The following ATP8B1 variants were observed in gnomAD, a reference collection of about 807,000 sequenced individuals.
ATP8B1 encodes the protein ATPase phospholipid transporting 8B1, also known as phospholipid-transporting ATPase IC.
A neutral mutation model predicts 149.9 loss-of-function variants in ATP8B1; 80 were observed. The ratio of observed to expected loss-of-function variants is 0.53; its 90% CI spans 0.45 to 0.64. ATP8B1 has a LOEUF of 0.64. ATP8B1 is among the 30% of genes least tolerant of loss of function. The pLI, the probability that ATP8B1 is intolerant of heterozygous loss-of-function variation, is 0.00. For missense variants in ATP8B1, 1,247 were observed against 1,552.6 expected, an observed-to-expected ratio of 0.80 and a Z score of 3.31; for synonymous variants, 536 against 562.8, an observed-to-expected ratio of 0.95 and a Z score of 0.67.
chr18:57,698,092 G>A (rs1599128462), intron 6 of ATP8B1, among the ~76,000 whole-genome samples: 1 of 152,222 alleles, frequency 6.6e-6, no homozygotes, highest in East Asian at 1.9e-4. Flanking sequence ...TTTCATCTAG[G>A]TCATGTAAGG....
chr18:57,753,376 A>T (rs2080041611), intron 1 of ATP8B1, among the ~76,000 whole-genome samples: 1 of 152,228 alleles, frequency 6.6e-6, no homozygotes, highest in Non-Finnish European at 1.5e-5. Context: ...GGCCATGAAC[A>T]AGGGGGTTCA....
Position 57,697,612 on chromosome 18 carries a change from A to G in ATP8B1, c.698+6T>C. On this transcript the variant is annotated splice_donor_region_variant and intron_variant, in intron 8 of 27. Coordinates refer to ENST00000648908, the MANE Select transcript of ATP8B1 (RefSeq NM_001374385.1). ...CTTTAAATCAGGCCCATCGAGACACACTTACCCATCCAGTTCTGCTGTTTC... is the reference window on the plus strand; with the variant it reads ...CTTTAAATCAGGCCCATCGAGACACGCTTACCCATCCAGTTCTGCTGTTTC... 1 of 1,613,770 alleles carries G rather than the reference A, an allele frequency of 6.2e-7. No homozygotes were observed. The highest frequency in any genetic ancestry group is 1.3e-5 in the African/African-American group (1 of 74,996).
intron 2 of ATP8B1, among the ~76,000 whole-genome samples, chr18:57,708,851 G>A (rs867335524): frequency 1.3e-5 from 2 of 152,160 alleles, no homozygotes; most frequent in Admixed American, 1.3e-4. Flanking sequence ...TGGTGGCTCT[G>A]TCTGGTCCCA....
chr18:57,795,876 TA>T (rs112695967), intron 1 of ATP8B1, among the ~76,000 whole-genome samples: 32 of 132,936 alleles, frequency 2.4e-4, no homozygotes, highest in East Asian at 2.0e-4. Flanking sequence ...ATTTTACATT[TA>T]AAAAAAAAAA....
intron 2 of ATP8B1, among the ~76,000 whole-genome samples, chr18:57,709,071 T>G (rs1913563044): frequency 6.6e-6 from 1 of 152,228 alleles, no homozygotes; most frequent in Non-Finnish European, 1.5e-5. Context: ...TACTCAATTT[T>G]AGAAATCTGA....
Position 57,692,012 on chromosome 18 carries a change from A to T in ATP8B1, c.1030-15T>A. Reference sequence around the variant, plus strand: ...ACAACAAAGATCTAGAAGACAGAAAACATTTAAATGCATTCTGAAGATGGA... The same window carrying T: ...ACAACAAAGATCTAGAAGACAGAAATCATTTAAATGCATTCTGAAGATGGA... On this transcript the variant is annotated splice_polypyrimidine_tract_variant and intron_variant, in intron 11 of 27. Transcript: ENST00000648908. 4 of 1,605,700 alleles carry T rather than the reference A, an allele frequency of 2.5e-6. No homozygotes were observed. Among genetic ancestry groups the T allele is most frequent in the Non-Finnish European group, 3.4e-6 (4 of 1,176,092 alleles).
intron 1 of ATP8B1, among the ~76,000 whole-genome samples, chr18:57,778,976 G>A (rs559807464): frequency 1.3e-5 from 2 of 152,096 alleles, no homozygotes; most frequent in South Asian, 2.1e-4. Flanking sequence ...TTTTAGAAAG[G>A]TTCCAAATTT....
chr18:57,742,462 T>C (rs1005622409), intron 1 of ATP8B1, among the ~76,000 whole-genome samples: 1 of 152,096 alleles, frequency 6.6e-6, no homozygotes, highest in African/African-American at 2.4e-5. Flanking sequence ...TTACATATGA[T>C]AGAAAAGGCT....
intron 8 of ATP8B1, 46 bp downstream of exon 8, chr18:57,697,572 G>A (rs773785844): frequency 2.5e-6 from 4 of 1,587,676 alleles, no homozygotes; most frequent in Non-Finnish European, 3.5e-6. Context: ...GAATGAATGT[G>A]CCTTCAAAGG....
At chr18:57,797,707 T>C (rs112171569) in intron 1 of ATP8B1, among the ~76,000 whole-genome samples, 43 of 96,386 alleles carry the variant, frequency 4.5e-4, no homozygotes, top group East Asian at 4.1e-3. Context: ...TTCTTTCTTT[T>C]TTTTTTTTTT....
intron 2 of ATP8B1, among the ~76,000 whole-genome samples, chr18:57,726,959 AATCCC>A (rs1181200561): frequency 6.6e-6 from 1 of 152,232 alleles, no homozygotes; most frequent in African/African-American, 2.4e-5. Flanking sequence ...GGGCGCCGGT[AATCCC>A]AGCTACTCGG....
intron 1 of ATP8B1, among the ~76,000 whole-genome samples, chr18:57,798,482 G>A (rs2080540448): frequency 6.6e-6 from 1 of 152,086 alleles, no homozygotes; most frequent in Admixed American, 6.6e-5. Flanking sequence ...TGTGGTCCCA[G>A]CCACTTGAGA....
chr18:57,764,149 C>T (rs924186758), intron 1 of ATP8B1, among the ~76,000 whole-genome samples: 1 of 152,214 alleles, frequency 6.6e-6, no homozygotes, highest in African/African-American at 2.4e-5. Context: ...ACCTTCCCCA[C>T]GATCCATCTG....
At chr18:57,731,404 T>A (rs2079764372) in intron 2 of ATP8B1, 8 of 463,268 alleles carry the variant, frequency 1.7e-5, no homozygotes, top group African/African-American at 2.1e-5. Context: ...TTAATGTATT[T>A]TCTCTGCAGA....
chr18:57,672,207 T>C (rs910443411), intron 16 of ATP8B1, among the ~76,000 whole-genome samples: 5 of 152,232 alleles, frequency 3.3e-5, no homozygotes, highest in Non-Finnish European at 7.3e-5. Context: ...TGTAGACTTT[T>C]TCTCCATCCA....
Position 57,652,585 on chromosome 18 carries a change from C to T in ATP8B1, c.3160G>A (p.Ala1054Thr), listed in dbSNP as rs886109835. ...TCCTGCCCTACGGTTTGCAGATAAG[C>T]TCCAAGAGGTATGAAGAAGAGGATC... ...SMILFFIPLG[A>T]YLQTVGQDGE... Residue 1054 changes from alanine to threonine, a missense_variant, in exon 25 of 28, where the codon GCT becomes ACT. Around this residue, in one of 3 missense-constraint regions of ATP8B1, gnomAD observed 230 missense variants for 356.6 expected, o/e 0.65. Coordinates refer to ENST00000648908, the MANE Select transcript of ATP8B1 (RefSeq NM_001374385.1). The T allele has an allele frequency of 6.2e-7, 1 of 1,614,050 alleles. No homozygotes were observed. Among genetic ancestry groups the T allele is most frequent in the African/African-American group, 1.3e-5 (1 of 74,912 alleles).
At chr18:57,661,676 T>TAC (rs368698002) in intron 21 of ATP8B1, among the ~76,000 whole-genome samples, 199 of 104,598 alleles carry the variant, frequency 1.9e-3, no homozygotes, top group Non-Finnish European at 2.5e-3. Flanking sequence ...TGTATGTATA[T>TAC]ACACACACAC....
At chr18:57,704,786 AGATATTGAG>A (rs1271974168) in intron 3 of ATP8B1, 118 bp from the exon 4 acceptor site, 1 of 744,460 alleles carries the variant, frequency 1.3e-6, no homozygotes, top group Non-Finnish European at 2.3e-6. Flanking sequence ...TCTGTCAGAA[AGATATTGAG>A]GATTTTGTCT....
chr18:57,654,508 G>A (rs1232529556), intron 23 of ATP8B1, among the ~76,000 whole-genome samples: 1 of 151,116 alleles, frequency 6.6e-6, no homozygotes, highest in Non-Finnish European at 1.5e-5. Context: ...TTGTTGAGAC[G>A]GGGTTTCACC....
Sources: gnomAD v4.1 joint callset for allele counts (sites outside exome capture counted in the v4.1 genomes callset) on GRCh38, gnomAD v4.1.1 for gene constraint, gnomAD v4.1.1 regional missense constraint, MANE v1.5 for transcripts, NCBI Gene and HGNC (gene_info 2026-07-23, HGNC 2026-07-21) for gene names.